Variants in TBC1D5 observed in about 807,000 individuals in gnomAD.
TBC1D5 encodes the protein TBC1 domain family, member 5.
A neutral mutation model predicts 100.3 loss-of-function variants in TBC1D5; 75 were observed. The ratio of observed to expected loss-of-function variants is 0.75; its 90% CI spans 0.62 to 0.91. The LOEUF is 0.91. TBC1D5 is among the 40% of genes least tolerant of loss of function. TBC1D5 has a pLI of 0.00. For missense variants in TBC1D5, 910 were observed against 942.4 expected (o/e 0.97, Z 0.45); for synonymous variants, 323 against 325.6 (o/e 0.99, Z 0.09).
intron 17 of TBC1D5, among the ~76,000 whole-genome samples, chr3:17,233,202 A>T (rs1472473123): frequency 6.6e-6 from 1 of 152,198 alleles, no homozygotes; most frequent in East Asian, 1.9e-4. Context: ...TAATTGTGTT[A>T]ACATAATGCG....
chr3:17,448,353 G>T (rs2094846683), intron 3 of TBC1D5, among the ~76,000 whole-genome samples: 1 of 152,130 alleles, frequency 6.6e-6, no homozygotes, highest in South Asian at 2.1e-4. Flanking sequence ...TGTTCAGGCT[G>T]ATATTTTGAC....
At chr3:17,239,877 CA>C (rs1202428492) in intron 16 of TBC1D5, among the ~76,000 whole-genome samples, 1 of 152,090 alleles carries the variant, frequency 6.6e-6, no homozygotes, top group Non-Finnish European at 1.5e-5. Flanking sequence ...AGCTCCATGA[CA>C]ATATTGAAGT....
At chr3:17,642,652 T>G (rs1174585089) in intron 1 of TBC1D5, among the ~76,000 whole-genome samples, 1 of 152,094 alleles carries the variant, frequency 6.6e-6, no homozygotes, top group Non-Finnish European at 1.5e-5. Flanking sequence ...CAAAGGATGA[T>G]TAGGAGAAAT....
At chr3:17,502,411 G>A (rs1186228168) in intron 3 of TBC1D5, among the ~76,000 whole-genome samples, 1 of 149,190 alleles carries the variant, frequency 6.7e-6, no homozygotes, top group Admixed American at 6.6e-5. Flanking sequence ...ACACCATCCT[G>A]GTTTTCCTTC....
intron 1 of TBC1D5, among the ~76,000 whole-genome samples, chr3:17,688,952 G>A (rs565625175): frequency 6.5e-4 from 99 of 151,946 alleles, no homozygotes; most frequent in Middle Eastern, 3.4e-3. Flanking sequence ...GAATTGTCCC[G>A]AATTTTCCAG....
intron 4 of TBC1D5, among the ~76,000 whole-genome samples, chr3:17,420,606 T>C (rs1411603327): frequency 1.3e-5 from 2 of 152,232 alleles, no homozygotes; most frequent in East Asian, 3.8e-4. Flanking sequence ...AATTTTTAAG[T>C]CTATTTTTGA....
intron 16 of TBC1D5, among the ~76,000 whole-genome samples, chr3:17,252,359 C>G (rs1050308374): frequency 3.3e-5 from 5 of 152,192 alleles, no homozygotes; most frequent in South Asian, 2.1e-4. Context: ...TCTGTGCTAA[C>G]TATCCCAGTT....
Position 17,199,215 on chromosome 3 carries a change from TG to T in TBC1D5, c.1753-14008del, listed in dbSNP as rs553795577. Among the ~76,000 whole-genome samples, 295 of 152,334 alleles carry T rather than the reference TG, an allele frequency of 1.9e-3. 1 individual carries two copies. Among genetic ancestry groups the T allele is most frequent in the Non-Finnish European group, 1.1e-3 (73 of 68,020 alleles). On this transcript the variant is annotated intron_variant, in intron 18 of 21. Coordinates refer to ENST00000253692, the Ensembl canonical transcript of TBC1D5. ...AATCAAGGGTGTCAAAAAAGAAGTC[TG>T]GTCATAACAGAGGACTGAGGATGTA...
intron 1 of TBC1D5, among the ~76,000 whole-genome samples, chr3:17,650,131 G>A (rs527524227): frequency 2.1e-4 from 32 of 152,060 alleles, no homozygotes; most frequent in African/African-American, 6.5e-4. Flanking sequence ...ATCACACACC[G>A]GGGCCTCTTG....
chr3:17,451,728 A>T (rs1485379357), intron 3 of TBC1D5, among the ~76,000 whole-genome samples: 1 of 152,198 alleles, frequency 6.6e-6, no homozygotes, highest in African/African-American at 2.4e-5. Context: ...CCTATGTAAC[A>T]AACCTGCATA....
intron 2 of TBC1D5, among the ~76,000 whole-genome samples, chr3:17,604,567 A>G (rs183912856): frequency 6.6e-6 from 1 of 152,324 alleles, no homozygotes; most frequent in East Asian, 1.9e-4. Context: ...ATTATACTCT[A>G]TTTTGACCCT....
intron 15 of TBC1D5, among the ~76,000 whole-genome samples, chr3:17,279,405 G>A (rs2080345660): frequency 6.6e-6 from 1 of 152,148 alleles, no homozygotes; most frequent in Non-Finnish European, 1.5e-5. Context: ...GTATGCTGCA[G>A]TCCCCTTTCC....
intron 1 of TBC1D5, chr3:17,706,096 G>T (rs1183157862): frequency 1.2e-6 from 2 of 1,605,302 alleles, no homozygotes; most frequent in Non-Finnish European, 1.7e-6. Flanking sequence ...GCGGCCTCCA[G>T]CTTGCCCTCG....
At chr3:17,202,638 C>A (rs1405096980) in intron 18 of TBC1D5, among the ~76,000 whole-genome samples, 1 of 152,216 alleles carries the variant, frequency 6.6e-6, no homozygotes, top group Non-Finnish European at 1.5e-5. Flanking sequence ...GGCCCTGCTA[C>A]CCTGCACAAA....
At chr3:17,623,019 A>G (rs1342927431) in intron 2 of TBC1D5, among the ~76,000 whole-genome samples, 1 of 152,186 alleles carries the variant, frequency 6.6e-6, no homozygotes, top group African/African-American at 2.4e-5. Flanking sequence ...GGCCCCCAAT[A>G]AAATTCTGGT....
chr3:17,448,609 C>CT (rs2094853079), intron 3 of TBC1D5, among the ~76,000 whole-genome samples: 1 of 152,214 alleles, frequency 6.6e-6, no homozygotes, highest in East Asian at 1.9e-4. Flanking sequence ...TCTACCAGAG[C>CT]TTTTGTGTGA....
chr3:17,375,306 C>T (rs1038990301), intron 10 of TBC1D5, among the ~76,000 whole-genome samples: 13 of 152,008 alleles, frequency 8.6e-5, no homozygotes, highest in African/African-American at 3.1e-4. Context: ...TGGTGGCTCA[C>T]ACCTGTAATC....
intron 3 of TBC1D5, among the ~76,000 whole-genome samples, chr3:17,457,403 G>T (rs2149840210): frequency 6.6e-6 from 1 of 152,204 alleles, no homozygotes; most frequent in Non-Finnish European, 1.5e-5. Context: ...CAGTCTGGGT[G>T]ATTTCTATTG....
At position 17,494,890 on chromosome 3, in the gene TBC1D5, ACT is replaced by A. The variant is rs2095686185; in HGVS notation, c.97+13582_97+13583del. Among the ~76,000 whole-genome samples the A allele has an allele frequency of 3.3e-5, 5 of 152,074 alleles. No individual in the cohort carries two copies. In the South Asian group the frequency reaches 6.2e-4, roughly 19 times the overall value. On this transcript the variant is annotated intron_variant, in intron 3 of 21. Transcript: ENST00000253692. ...CACAGCTCCGTGCTTGGGACCCAAG[ACT>A]CTGGTGGCATGGGCTCATGAGGGGA... is the stretch of plus-strand genomic sequence containing the variant.
Sources: gnomAD v4.1 joint callset for allele counts (sites outside exome capture counted in the v4.1 genomes callset) on GRCh38, gnomAD v4.1.1 for gene constraint, MANE v1.5 for transcripts, NCBI Gene and HGNC (gene_info 2026-07-23, HGNC 2026-07-21) for gene names.